COL5A3: variants seen among roughly 807,000 people sequenced by gnomAD.
COL5A3 encodes collagen alpha-3(V) chain.
Under a neutral mutation model 250.0 loss-of-function variants are expected in COL5A3, and 172 were observed. The observed-to-expected ratio is 0.69, with a 90% confidence interval of 0.61 to 0.78. The LOEUF (loss-of-function observed/expected upper bound fraction) is 0.78. COL5A3 is among the 30% of genes least tolerant of loss of function. The probability of loss-of-function intolerance (pLI) is 0.00; values close to 1 mark genes in which losing one functional copy is unlikely to be tolerated. For missense variants in COL5A3, 2,340 were observed against 2,334.4 expected, an observed-to-expected ratio of 1.00 and a Z score of -0.05; for synonymous variants, 937 against 900.4, an observed-to-expected ratio of 1.04 and a Z score of -0.73.
Position 9,992,793 on chromosome 19 carries a change from A to T in COL5A3, c.1848+34T>A, listed in dbSNP as rs1486463925. 5 of 1,608,918 alleles carry T rather than the reference A, an allele frequency of 3.1e-6. No individual in the cohort carries two copies. The African/African-American group carries it at 6.7e-5, about 22-fold the overall frequency. ...CCCTAATCTCAAAACAAACAAAAAGACAGACAGGGATGCAGAGAGCCAGTG... is the reference window on the plus strand; with the variant it reads ...CCCTAATCTCAAAACAAACAAAAAGTCAGACAGGGATGCAGAGAGCCAGTG... On this transcript the variant is annotated intron_variant, in intron 21 of 66. Transcript: ENST00000264828.
intron 65 of COL5A3, 78 bp downstream of exon 65, chr19:9,962,741 C>G: frequency 8.4e-7 from 1 of 1,183,926 alleles, no homozygotes; most frequent in Non-Finnish European, 1.2e-6. Context: ...TCTCACCTCT[C>G]AGAACCCACC....
At position 10,001,951 on chromosome 19, in the gene COL5A3, C is replaced by G; in HGVS notation, c.850-70G>C. On this transcript the variant is annotated intron_variant, in intron 6 of 66. Coordinates refer to ENST00000264828, the MANE Select transcript of COL5A3 (RefSeq NM_015719.4). Reference sequence around the variant, plus strand: ...TCAAGACAAAAGGGAGGCACCCTCCCACTGTCCCCAGGAGCTCCCAGTCCG... The same window carrying G: ...TCAAGACAAAAGGGAGGCACCCTCCGACTGTCCCCAGGAGCTCCCAGTCCG... 3.6e-6 allele frequency: 4 copies of G among 1,104,394 alleles called. No individual in the cohort carries two copies. In the South Asian group the frequency reaches 5.4e-5, roughly 15 times the overall value. 68.4% of individuals were successfully genotyped at this position (1,104,394 alleles called of 1,614,324 possible). A position where few individuals can be genotyped will look rare whatever the true frequency, so the allele number is the denominator to read the frequency against.
chr19:9,966,166 C>T, intron 64 of COL5A3, 148 bp downstream of exon 64: 2 of 653,818 alleles, frequency 3.1e-6, no homozygotes, highest in South Asian at 4.1e-5. Flanking sequence ...GCTGTAGTCC[C>T]AGCTCTTGAG....
At chr19:9,999,872 G>A (rs1472496633) in intron 8 of COL5A3, among the ~76,000 whole-genome samples, 1 of 152,068 alleles carries the variant, frequency 6.6e-6, no homozygotes, top group East Asian at 1.9e-4. Flanking sequence ...GGGCTCAAGC[G>A]ATCCTCCTGC....
In COL5A3 at chr19:10,009,163, TGTGTGTGTG is replaced by T. The variant is rs760001846; in HGVS notation, c.88+1126_88+1134del. On this transcript the variant is annotated intron_variant, in intron 1 of 66. Transcript: ENST00000264828. This position sits in a 1 kb window ranked among gnomAD's most constrained non-coding sequence, Gnocchi z 4.4. ...CTCCAAAGTAAGAAGTGTGCTGTGGTGTGTGTGTGTGTGTGTGTGTGTGTGTGTGTGTGT... is the reference window on the plus strand; with the variant it reads ...CTCCAAAGTAAGAAGTGTGCTGTGGTTGTGTGTGTGTGTGTGTGTGTGTGT... Among the ~76,000 whole-genome samples, 1 of 34,734 alleles carries T rather than the reference TGTGTGTGTG, an allele frequency of 2.9e-5. No homozygotes were observed. The highest frequency in any genetic ancestry group is 5.2e-5 in the Non-Finnish European group (1 of 19,094). The allele number at this position is 34,734 out of a possible 152,430, so 22.8% of individuals were successfully genotyped here.
chr19:9,975,610 T>A (rs1275611036), intron 45 of COL5A3, among the ~76,000 whole-genome samples: 2 of 151,894 alleles, frequency 1.3e-5, no homozygotes, highest in Non-Finnish European at 2.9e-5. Flanking sequence ...GAAGACATGG[T>A]TGGAGTTGAG....
chr19:9,970,364 GTCT>G (rs2086820973), intron 54 of COL5A3, among the ~76,000 whole-genome samples: 2 of 139,606 alleles, frequency 1.4e-5, no homozygotes, highest in African/African-American at 2.8e-5. Flanking sequence ...GCTGAGTGGG[GTCT>G]GTGGGGTAAG....
chr19:10,005,245 T>C (rs2087424878), intron 4 of COL5A3, among the ~76,000 whole-genome samples: 1 of 151,894 alleles, frequency 6.6e-6, no homozygotes, highest in African/African-American at 2.4e-5. Flanking sequence ...TAATCTCAGC[T>C]ACTTGGGAGG....
chr19:9,977,204 T>G lies in COL5A3; in HGVS notation c.3288+25A>C, dbSNP rs564505341. On this transcript the variant is annotated intron_variant, in intron 44 of 66. Coordinates refer to ENST00000264828, the MANE Select transcript of COL5A3 (RefSeq NM_015719.4). Reference sequence around the variant, plus strand: ...CTTTCTTCCGCTACCCACCCCACCCTGCCCCACTGGGGACCTTCACTCACC... The same window carrying G: ...CTTTCTTCCGCTACCCACCCCACCCGGCCCCACTGGGGACCTTCACTCACC... 3.2e-4 allele frequency: 335 copies of G among 1,045,292 alleles called. 5 individuals carry two copies. In the South Asian group the frequency reaches 4.1e-3, roughly 13 times the overall value. 64.8% of individuals were successfully genotyped at this position (1,045,292 alleles called of 1,614,324 possible).
rs145276880 is a variant in COL5A3 at position 9,982,526 on chromosome 19, C to T, written c.2407-408G>A. On this transcript the variant is annotated intron_variant, in intron 31 of 66. Transcript: ENST00000264828. ...CAAGAACACTTGCGTTGAAATGACC[C>T]TTATTGACTTATTTATTCAATGCCT... 7.7e-3 allele frequency among the ~76,000 whole-genome samples: 1,176 copies of T among 152,260 alleles called. 8 individuals are homozygous for T. Among genetic ancestry groups the T allele is most frequent in the Non-Finnish European group, 0.012 (841 of 68,026 alleles).
At position 9,971,312 on chromosome 19, in the gene COL5A3, A is replaced by G. The variant is rs2086843247; in HGVS notation, c.3775-54T>C. On this transcript the variant is annotated intron_variant, in intron 51 of 66. Coordinates refer to ENST00000264828, the MANE Select transcript of COL5A3 (RefSeq NM_015719.4). ...TCTCTGAATTGTGGAGCAATCATGC[A>G]TTTATGGAACAGATCAACTGTATCC... is the stretch of plus-strand genomic sequence containing the variant. 5.9e-6 allele frequency: 8 copies of G among 1,360,668 alleles called. 1 individual carries two copies. The East Asian group carries it at 1.0e-4, about 17-fold the overall frequency. The allele number at this position is 1,360,668 out of a possible 1,614,324, so 84.3% of individuals were successfully genotyped here.
chr19:9,996,742 G>C, intron 11 of COL5A3, 53 bp from the exon 12 acceptor site: 1 of 1,435,714 alleles, frequency 7.0e-7, no homozygotes, highest in Admixed American at 2.4e-5. Flanking sequence ...GGGAGAGAGA[G>C]AGCGAGGACA....
intron 21 of COL5A3, 87 bp from the exon 22 acceptor site, chr19:9,992,135 G>A (rs968468283): frequency 1.7e-6 from 2 of 1,187,580 alleles, no homozygotes; most frequent in Non-Finnish European, 2.5e-6. Context: ...GTGGAAAGGT[G>A]AGCAGGGCCG....
chr19:9,966,258 G>T, intron 64 of COL5A3, 56 bp downstream of exon 64: 1 of 1,316,188 alleles, frequency 7.6e-7, no homozygotes, highest in Non-Finnish European at 1.1e-6. Context: ...TTGTGGGTGT[G>T]GGGAGCAGGG....
In COL5A3 at chr19:9,993,629, T is replaced by G. The variant is rs775378157; in HGVS notation, c.1685A>C (p.Lys562Thr). 2 of 1,614,020 alleles carry G rather than the reference T, an allele frequency of 1.2e-6. No individual in the cohort carries two copies. Among genetic ancestry groups the G allele is most frequent in the South Asian group, 1.1e-5 (1 of 91,068 alleles). Residue 562 changes from lysine (K) to threonine (T), a missense_variant, in exon 18 of 67, where the codon AAG (lysine) becomes ACG (threonine). Transcript: ENST00000264828. ...FDGLPGLPGE[K>T]GQRGDFGHVG... is the part of the protein sequence containing the mutation. ...ACCTCACACACTCACCCTTTGGCCC[T>G]TCTCACCAGGCAGCCCAGGGAGGCC...
In COL5A3 at chr19:9,993,646, A is replaced by C. The variant is rs62638740; in HGVS notation, c.1668T>G (p.Pro556=). 80,873 of 1,613,896 alleles carry C rather than the reference A, an allele frequency of 0.05. 5,540 individuals are homozygous for C. The highest frequency in any genetic ancestry group is 0.25 in the African/African-American group (18,795 of 74,880). The change falls in exon 18 of 67, where the codon CCT becomes CCG. Residue 556 remains proline (P), a synonymous_variant. Transcript: ENST00000264828. Reference sequence around the variant, plus strand: ...TTTGGCCCTTCTCACCAGGCAGCCCAGGGAGGCCATCGAAGCCACGATCAC... The same window carrying C: ...TTTGGCCCTTCTCACCAGGCAGCCCCGGGAGGCCATCGAAGCCACGATCAC... The part of the protein sequence containing the change: ...PKGDRGFDGL[P]GLPGEKGQRG...
At position 9,983,594 on chromosome 19, in the gene COL5A3, A is replaced by G. The variant is rs866107083; in HGVS notation, c.2407-1476T>C. The stretch of plus-strand genomic sequence containing the variant: ...AAAGAAAGAAAGAAAGAAAGAAAGA[A>G]AGAAAGAGAAAGAGAGAGAGAGAGA... On this transcript the variant is annotated intron_variant, in intron 31 of 66. Transcript: ENST00000264828. Among the ~76,000 whole-genome samples, 12 of 76,468 alleles carry G rather than the reference A, an allele frequency of 1.6e-4. 1 individual carries two copies. In the South Asian group the frequency reaches 2.4e-3, roughly 15 times the overall value. The allele number at this position is 76,468 out of a possible 152,430, so 50.2% of individuals were successfully genotyped here. A position where few individuals can be genotyped will look rare whatever the true frequency, so the allele number is the denominator to read the frequency against.
intron 31 of COL5A3, 84 bp downstream of exon 31, chr19:9,985,758 C>T: frequency 7.5e-6 from 10 of 1,330,878 alleles, no homozygotes; most frequent in Non-Finnish European, 1.1e-5. Flanking sequence ...CAGCTCATCC[C>T]CCAAGACCAC....
chr19:10,006,948 C>A (rs35678764), intron 1 of COL5A3, among the ~76,000 whole-genome samples: 40,213 of 151,294 alleles, frequency 0.27, 5,940 homozygotes, highest in South Asian at 0.35. Context: ...CCCTCTGACC[C>A]TCCTCTATGA....
Sources: gnomAD v4.1 joint callset for allele counts (sites outside exome capture counted in the v4.1 genomes callset) on GRCh38, gnomAD v4.1.1 for gene constraint, Gnocchi (gnomAD v3.1) non-coding constraint, MANE v1.5 for transcripts, NCBI Gene and HGNC (gene_info 2026-07-23, HGNC 2026-07-21) for gene names.